The following PAK2 variants were observed in gnomAD, a reference collection of about 807,000 sequenced individuals.
PAK2 encodes the protein serine/threonine-protein kinase PAK 2.
PAK2 carries 21 observed loss-of-function variants against 65.9 expected under a neutral mutation model. That is an observed-to-expected ratio of 0.32 (90% CI 0.23 to 0.46). The LOEUF is 0.46. PAK2 is among the 20% of genes least tolerant of loss of function. PAK2 has a pLI of 1.00. For synonymous variants in PAK2, 204 were observed against 219.7 expected (o/e 0.93, Z 0.63); for missense variants, 324 against 642.6 (o/e 0.50, Z 5.36).
chr3:196,828,281 G>A, intron 14 of PAK2, 38 bp from the exon 15 acceptor site: 1 of 1,150,702 alleles, frequency 8.7e-7, no homozygotes, highest in Non-Finnish European at 1.3e-6. Flanking sequence ...CCTGATGAAT[G>A]GCACTTATAC....
rs1256365897 is a variant in PAK2, at chr3:196,742,131, AGTTGCCCAGGCTGGAGTGCAATGGTGC to A, written c.-22+1976_-22+2002del. On this transcript the variant is annotated intron_variant, in intron 1 of 14. Coordinates refer to ENST00000327134, the MANE Select transcript of PAK2 (RefSeq NM_002577.4). ...TTTTTTTTTTTTGAGACGGAGTTTC[AGTTGCCCAGGCTGGAGTGCAATGGTGC>A]GATCACCGCAACCTCCGCCTCCTGG... Among the ~76,000 whole-genome samples, 6 of 119,488 alleles carry A rather than the reference AGTTGCCCAGGCTGGAGTGCAATGGTGC, an allele frequency of 5.0e-5. No homozygotes were observed. The East Asian group carries it at 1.1e-3, about 22-fold the overall frequency. The allele number at this position is 119,488 out of a possible 152,430, so 78.4% of individuals were successfully genotyped here.
In PAK2 at chr3:196,829,237, A is replaced by G. The variant is rs1008271715; in HGVS notation, c.*832A>G. On this transcript the variant is annotated 3_prime_UTR_variant, in exon 15 of 15. Coordinates refer to ENST00000327134, the MANE Select transcript of PAK2 (RefSeq NM_002577.4). ...CCCTTCAGGCTTGGCTCTAGGAACC[A>G]AAGTGATTTGTTGTTGTTCCAACCT... 3 of 152,646 alleles carry G rather than the reference A, an allele frequency of 2.0e-5. No individual in the cohort carries two copies. Among genetic ancestry groups the G allele is most frequent in the Non-Finnish European group, 4.4e-5 (3 of 68,034 alleles). The allele number at this position is 152,646 out of a possible 1,614,324, so 9.5% of individuals were successfully genotyped here.
chr3:196,807,589 C>G (rs1448973875), intron 6 of PAK2, among the ~76,000 whole-genome samples, 193 bp from the exon 7 acceptor site: 1 of 152,040 alleles, frequency 6.6e-6, no homozygotes, highest in Non-Finnish European at 1.5e-5. Context: ...CATGCTATGC[C>G]AAAGAAAAAT....
intron 12 of PAK2, among the ~76,000 whole-genome samples, chr3:196,819,954 G>A (rs947415625): frequency 6.6e-6 from 1 of 152,098 alleles, no homozygotes; most frequent in Non-Finnish European, 1.5e-5. Context: ...ACCAGCCTAG[G>A]CAACACAGGG....
intron 1 of PAK2, among the ~76,000 whole-genome samples, chr3:196,778,862 G>A (rs922399609): frequency 6.6e-6 from 1 of 152,232 alleles, no homozygotes; most frequent in African/African-American, 2.4e-5. Flanking sequence ...TTTTTCTCGT[G>A]ATTAGGCTGG....
chr3:196,832,004 T>C lies in PAK2; in HGVS notation c.*3599T>C, dbSNP rs1712106107. 1 of 152,214 alleles carries C rather than the reference T, an allele frequency of 6.6e-6. No individual in the cohort carries two copies. Among genetic ancestry groups the C allele is most frequent in the East Asian group, 1.9e-4 (1 of 5,202 alleles). 9.4% of individuals were successfully genotyped at this position (152,214 alleles called of 1,614,324 possible). On this transcript the variant is annotated 3_prime_UTR_variant, in exon 15 of 15. Transcript: ENST00000327134. ...GAAAAAATAGATACACACATTCTTT[T>C]TTCTCAGTCAACACATTGATTGAAC...
chr3:196,753,481 A>G (rs1713674121), intron 1 of PAK2, among the ~76,000 whole-genome samples: 1 of 152,220 alleles, frequency 6.6e-6, no homozygotes, highest in East Asian at 1.9e-4. Flanking sequence ...GGTGAGAGCC[A>G]CCACACCTGG....
At chr3:196,745,552 G>T (rs1439585191) in intron 1 of PAK2, among the ~76,000 whole-genome samples, 1 of 152,088 alleles carries the variant, frequency 6.6e-6, no homozygotes, top group Admixed American at 6.5e-5. Context: ...AGTGGCTTAC[G>T]CCTGTAATCC....
intron 10 of PAK2, among the ~76,000 whole-genome samples, chr3:196,813,558 G>A (rs983335742): frequency 1.3e-5 from 2 of 152,026 alleles, no homozygotes; most frequent in African/African-American, 4.8e-5. Flanking sequence ...AGATAGAGGT[G>A]ATTATAGGTG....
At chr3:196,756,910 T>G (rs962666996) in intron 1 of PAK2, among the ~76,000 whole-genome samples, 6 of 152,182 alleles carry the variant, frequency 3.9e-5, no homozygotes, top group African/African-American at 1.4e-4. Context: ...AATTTAACTT[T>G]CTCAGCAAGG....
Position 196,759,926 on chromosome 3 carries a change from A to G in PAK2, c.-22+19769A>G, listed in dbSNP as rs77634954. Among the ~76,000 whole-genome samples, 1,360 of 152,254 alleles carry G rather than the reference A, an allele frequency of 8.9e-3. 27 individuals are homozygous for G. The highest frequency in any genetic ancestry group is 0.03 in the African/African-American group (1,244 of 41,532). ...ACCTCAGAGAGAAATACTGCACTGA[A>G]TAGCAGTGACTCCTTATTTCATCTC... On this transcript the variant is annotated intron_variant, in intron 1 of 14. Transcript: ENST00000327134.
At chr3:196,825,988 CAT>C (rs1159282317) in intron 13 of PAK2, among the ~76,000 whole-genome samples, 4 of 148,736 alleles carry the variant, frequency 2.7e-5, no homozygotes, top group Admixed American at 1.4e-4. Context: ...GAACTACAGG[CAT>C]GTGCCACCAC....
chr3:196,819,193 G>A (rs1156344271), intron 12 of PAK2, among the ~76,000 whole-genome samples: 9 of 152,198 alleles, frequency 5.9e-5, no homozygotes, highest in Admixed American at 3.3e-4. Context: ...TGTAATCCCA[G>A]CACTTTGGGA....
intron 13 of PAK2, among the ~76,000 whole-genome samples, chr3:196,822,467 T>C (rs1242132565): frequency 2.0e-5 from 3 of 152,158 alleles, no homozygotes; most frequent in African/African-American, 7.2e-5. Flanking sequence ...GGTGGGAGGA[T>C]TGCTTGAGCC....
chr3:196,745,061 AC>A (rs998095563), intron 1 of PAK2, among the ~76,000 whole-genome samples: 1 of 151,622 alleles, frequency 6.6e-6, no homozygotes, highest in African/African-American at 2.4e-5. Context: ...TTCCACCTTT[AC>A]AAAAAACATT....
At chr3:196,788,581 G>A (rs940174629) in intron 2 of PAK2, among the ~76,000 whole-genome samples, 7 of 152,162 alleles carry the variant, frequency 4.6e-5, no homozygotes, top group Admixed American at 4.6e-4. Flanking sequence ...AAAGCAGATA[G>A]TGTCCCTGCT....
At chr3:196,809,040 C>T (rs1388545238) in intron 7 of PAK2, among the ~76,000 whole-genome samples, 2 of 148,708 alleles carry the variant, frequency 1.3e-5, no homozygotes, top group African/African-American at 2.5e-5. Flanking sequence ...AGTTCAAGGC[C>T]GAACTATACA....
chr3:196,769,659 T>A (rs1213384742), intron 1 of PAK2, among the ~76,000 whole-genome samples: 1 of 123,944 alleles, frequency 8.1e-6, no homozygotes, highest in East Asian at 2.4e-4. Flanking sequence ...AAAAAAAAAA[T>A]ACAAAAAATT....
At chr3:196,776,240 G>T (rs1714530199) in intron 1 of PAK2, among the ~76,000 whole-genome samples, 1 of 152,200 alleles carries the variant, frequency 6.6e-6, no homozygotes, top group African/African-American at 2.4e-5. Flanking sequence ...TTGCAGTAAA[G>T]TGCCAGTTTC....
Sources: allele counts gnomAD v4.1 joint callset (sites outside exome capture counted in the v4.1 genomes callset), GRCh38; gene constraint gnomAD v4.1.1; transcripts MANE v1.5; gene names NCBI Gene and HGNC (gene_info 2026-07-23, HGNC 2026-07-21).